Variants in SIMC1 observed in about 807,000 individuals in gnomAD.
SIMC1 encodes the protein SUMO interacting motifs containing 1.
In SIMC1, 55 loss-of-function variants were observed where a neutral mutation model predicts 82.3. The ratio of observed to expected loss-of-function variants is 0.67; its 90% CI spans 0.54 to 0.84. The LOEUF (loss-of-function observed/expected upper bound fraction) is 0.84, where lower values mean the gene tolerates loss of function less well. Ranked by LOEUF, SIMC1 falls within the 40% of genes least tolerant of loss-of-function variation. The pLI is 0.00. For missense variants in SIMC1, 915 were observed against 1,107.2 expected (o/e 0.83, Z 2.46); for synonymous variants, 353 against 426.3 (o/e 0.83, Z 2.12).
chr5:176,324,849 C>A, intron 7 of SIMC1, 92 bp downstream of exon 7: 1 of 1,383,402 alleles, frequency 7.2e-7, no homozygotes, highest in Admixed American at 2.8e-5. Context: ...ACTTTTCTAT[C>A]TATGCTACCT....
At chr5:176,296,978 T>C (rs1404404209) in intron 4 of SIMC1, among the ~76,000 whole-genome samples, 2 of 152,058 alleles carry the variant, frequency 1.3e-5, no homozygotes, top group East Asian at 3.9e-4. Context: ...GCCACATATA[T>C]GTAAAGAGGC....
intron 7 of SIMC1, among the ~76,000 whole-genome samples, chr5:176,333,707 G>A (rs1009169032): frequency 2.0e-5 from 3 of 152,150 alleles, no homozygotes; most frequent in East Asian, 3.9e-4. Flanking sequence ...TGGGATTACA[G>A]GTGTGAGCCA....
At chr5:176,303,814 T>C (rs1764149261) in intron 4 of SIMC1, among the ~76,000 whole-genome samples, 1 of 152,156 alleles carries the variant, frequency 6.6e-6, no homozygotes, top group Admixed American at 6.5e-5. Flanking sequence ...GACTCAGTGG[T>C]GAAAAGACAG....
At chr5:176,337,807 C>T (rs1412397324) in intron 9 of SIMC1, among the ~76,000 whole-genome samples, 1 of 152,168 alleles carries the variant, frequency 6.6e-6, no homozygotes, top group African/African-American at 2.4e-5. Context: ...ATGTAAGGTA[C>T]TCTAAGTCTA....
chr5:176,264,036 A>T (rs1423755434), intron 1 of SIMC1, among the ~76,000 whole-genome samples: 2 of 152,330 alleles, frequency 1.3e-5, no homozygotes, highest in East Asian at 1.9e-4. Flanking sequence ...GCTCCAAAAT[A>T]ATCTCCCTTA....
rs968482872 is a variant in SIMC1, at chr5:176,242,529, C to T, written c.129+3892C>T. ...TTCAATTTTTATAGGCTGTGGAGTTCATCTGTGAGTTTTCCAAATTGTTAT... is the reference window on the plus strand; with the variant it reads ...TTCAATTTTTATAGGCTGTGGAGTTTATCTGTGAGTTTTCCAAATTGTTAT... On this transcript the variant is annotated intron_variant, in intron 1 of 9. Coordinates refer to ENST00000429602, the MANE Select transcript of SIMC1 (RefSeq NM_001308195.2). 7.7e-4 allele frequency among the ~76,000 whole-genome samples: 117 copies of T among 151,398 alleles called. 4 individuals are homozygous for T. The highest frequency in any genetic ancestry group is 3.4e-3 in the Middle Eastern group (1 of 294).
chr5:176,247,395 G>A (rs1162080978), intron 1 of SIMC1, among the ~76,000 whole-genome samples: 3 of 152,040 alleles, frequency 2.0e-5, no homozygotes, highest in Admixed American at 6.5e-5. Context: ...TGTGGGCCGC[G>A]TAAATGTCTT....
chr5:176,330,416 A>AT, intron 7 of SIMC1, among the ~76,000 whole-genome samples: 1 of 148,682 alleles, frequency 6.7e-6, no homozygotes, highest in Non-Finnish European at 1.5e-5. Context: ...AAAAAAAAAA[A>AT]GGGAACCAGA....
chr5:176,336,095 GGAGA>G (rs368859567), intron 7 of SIMC1, among the ~76,000 whole-genome samples: 29 of 147,266 alleles, frequency 2.0e-4, no homozygotes, highest in Admixed American at 9.5e-4. Context: ...GCAGGGAGGG[GGAGA>G]GAGAGAGAGA....
At position 176,271,975 on chromosome 5, in the gene SIMC1, T is replaced by C. The variant is rs181730114; in HGVS notation, c.130-17679T>C. Among the ~76,000 whole-genome samples, 530 of 144,862 alleles carry C rather than the reference T, an allele frequency of 3.7e-3. 3 individuals are homozygous for C. The highest frequency in any genetic ancestry group is 0.013 in the African/African-American group (503 of 39,804). On this transcript the variant is annotated intron_variant, in intron 1 of 9. Transcript: ENST00000429602. ...ATATATTATGTATATAATGTATATA[T>C]TATATATAACATAATATATATAACA...
chr5:176,257,199 A>G (rs931651653), intron 1 of SIMC1, among the ~76,000 whole-genome samples: 2 of 152,218 alleles, frequency 1.3e-5, no homozygotes. Flanking sequence ...TTCATAAAGC[A>G]GTATATGTGT....
chr5:176,326,392 T>C (rs954989262), intron 7 of SIMC1, among the ~76,000 whole-genome samples: 3 of 152,022 alleles, frequency 2.0e-5, no homozygotes, highest in Admixed American at 2.0e-4. Context: ...GTTTTTTTTT[T>C]CTTTTTCTTT....
chr5:176,295,498 A>G (rs369531476), intron 3 of SIMC1, among the ~76,000 whole-genome samples: 24 of 152,382 alleles, frequency 1.6e-4, no homozygotes, highest in African/African-American at 5.0e-4. Context: ...GACTTGATTC[A>G]GTATACAAAA....
At chr5:176,344,998 G>A (rs955202920) in intron 9 of SIMC1, among the ~76,000 whole-genome samples, 185 bp from the exon 10 acceptor site, 16 of 151,878 alleles carry the variant, frequency 1.1e-4, no homozygotes, top group African/African-American at 3.4e-4. Context: ...TTAAGGACCC[G>A]AGAGAACTGA....
chr5:176,313,930 G>A, intron 5 of SIMC1, 85 bp downstream of exon 5: 2 of 1,567,052 alleles, frequency 1.3e-6, no homozygotes, highest in South Asian at 1.2e-5. Context: ...TCAGCCAGGT[G>A]AGGTTTTCTA....
At chr5:176,284,804 C>T (rs1228368054) in intron 1 of SIMC1, among the ~76,000 whole-genome samples, 1 of 152,098 alleles carries the variant, frequency 6.6e-6, no homozygotes, top group Non-Finnish European at 1.5e-5. Flanking sequence ...AAACTAACCT[C>T]AGAAAATACT....
intron 1 of SIMC1, among the ~76,000 whole-genome samples, chr5:176,283,533 A>C (rs1424765153): frequency 6.6e-6 from 1 of 152,248 alleles, no homozygotes; most frequent in African/African-American, 2.4e-5. Context: ...AGCACTAAAC[A>C]TGGAAAGGAA....
chr5:176,321,646 CT>C (rs1212352969), intron 5 of SIMC1, among the ~76,000 whole-genome samples: 1 of 152,050 alleles, frequency 6.6e-6, no homozygotes, highest in African/African-American at 2.4e-5. Context: ...ACCTTATTAA[CT>C]TGTAGAGCCT....
intron 1 of SIMC1, among the ~76,000 whole-genome samples, chr5:176,283,209 A>G (rs1435252321): frequency 1.3e-5 from 2 of 152,212 alleles, no homozygotes; most frequent in African/African-American, 4.8e-5. Flanking sequence ...AGCAACTCTG[A>G]GACACATAAT....
Sources: gnomAD v4.1 joint callset for allele counts (sites outside exome capture counted in the v4.1 genomes callset) on GRCh38, gnomAD v4.1.1 for gene constraint, MANE v1.5 for transcripts, NCBI Gene and HGNC (gene_info 2026-07-23, HGNC 2026-07-21) for gene names.